PPP3CA: variants seen among roughly 807,000 people sequenced by gnomAD.
PPP3CA encodes protein phosphatase 3 catalytic subunit alpha, also known as CAM-PRP catalytic subunit.
A neutral mutation model predicts 66.5 loss-of-function variants in PPP3CA; 14 were observed. That is an observed-to-expected ratio of 0.21 (90% CI 0.14 to 0.33). The LOEUF (loss-of-function observed/expected upper bound fraction) is 0.33. PPP3CA is among the 10% of genes least tolerant of loss of function. The pLI, the probability that PPP3CA is intolerant of heterozygous loss-of-function variation, is 1.00. For synonymous variants in PPP3CA, 232 were observed against 226.2 expected (o/e 1.03, Z -0.23); for missense variants, 317 against 639.5 (o/e 0.50, Z 5.44).
At chr4:101,263,258 A>G (rs1419152927) in intron 1 of PPP3CA, among the ~76,000 whole-genome samples, 1 of 152,158 alleles carries the variant, frequency 6.6e-6, no homozygotes, top group Admixed American at 6.5e-5. Context: ...TAGTCCAGTG[A>G]CCCTTTAACT....
intron 1 of PPP3CA, among the ~76,000 whole-genome samples, chr4:101,332,370 T>G (rs1048863920): frequency 6.6e-6 from 1 of 152,068 alleles, no homozygotes; most frequent in African/African-American, 2.4e-5. Context: ...CAAGATGAGA[T>G]AGCAAAAAGT....
At chr4:101,268,344 A>T (rs1018181702) in intron 1 of PPP3CA, among the ~76,000 whole-genome samples, 1 of 152,118 alleles carries the variant, frequency 6.6e-6, no homozygotes, top group Non-Finnish European at 1.5e-5. Context: ...AAGAAGGCAA[A>T]ATTCTGTCAC....
At chr4:101,142,382 G>C (rs143008008) in intron 2 of PPP3CA, among the ~76,000 whole-genome samples, 1 of 152,180 alleles carries the variant, frequency 6.6e-6, no homozygotes, top group African/African-American at 2.4e-5. Flanking sequence ...CGGCAGAGTA[G>C]TGGAGACAGT....
At chr4:101,097,140 C>T (rs1006324078) in intron 5 of PPP3CA, among the ~76,000 whole-genome samples, 1 of 152,074 alleles carries the variant, frequency 6.6e-6, no homozygotes, top group Non-Finnish European at 1.5e-5. Context: ...CCAAAGTCTA[C>T]CTATCATACA....
chr4:101,185,432 A>G (rs1427919235), intron 2 of PPP3CA, among the ~76,000 whole-genome samples: 1 of 152,200 alleles, frequency 6.6e-6, no homozygotes, highest in Non-Finnish European at 1.5e-5. Flanking sequence ...CAGTACTTGA[A>G]AGCAACTTCT....
intron 6 of PPP3CA, 54 bp from the exon 7 acceptor site, chr4:101,083,317 G>A (rs1310364010): frequency 1.4e-6 from 2 of 1,433,062 alleles, no homozygotes; most frequent in Admixed American, 3.4e-5. Flanking sequence ...ATCAGGAGTA[G>A]CACATTTATC....
intron 8 of PPP3CA, among the ~76,000 whole-genome samples, chr4:101,063,647 T>C (rs1020102230): frequency 6.6e-6 from 1 of 151,962 alleles, no homozygotes; most frequent in Non-Finnish European, 1.5e-5. Flanking sequence ...AAGCTCCCCT[T>C]TCAGCCAAGA....
chr4:101,310,316 G>A (rs986660477), intron 1 of PPP3CA, among the ~76,000 whole-genome samples: 1 of 152,186 alleles, frequency 6.6e-6, no homozygotes, highest in Non-Finnish European at 1.5e-5. Context: ...TATTATTAAT[G>A]TAATCACACA....
intron 2 of PPP3CA, chr4:101,170,962 AT>A: frequency 3.6e-6 from 1 of 276,138 alleles, no homozygotes; most frequent in South Asian, 3.5e-5. Context: ...TCATTTTGGT[AT>A]TTTTTAAAGT....
chr4:101,326,741 C>T (rs986035962), intron 1 of PPP3CA, among the ~76,000 whole-genome samples: 1 of 152,246 alleles, frequency 6.6e-6, no homozygotes, highest in Non-Finnish European at 1.5e-5. Flanking sequence ...CCACTTCTAG[C>T]TGCTATACTA....
At chr4:101,249,280 C>A (rs1455507286) in intron 1 of PPP3CA, among the ~76,000 whole-genome samples, 2 of 151,978 alleles carry the variant, frequency 1.3e-5, no homozygotes, top group African/African-American at 4.8e-5. Context: ...GACACGTTAT[C>A]CACCTTAATA....
At chr4:101,106,654 T>C (rs1293788298) in intron 3 of PPP3CA, among the ~76,000 whole-genome samples, 2 of 152,124 alleles carry the variant, frequency 1.3e-5, no homozygotes, top group East Asian at 1.9e-4. Context: ...ATCAGCAAAC[T>C]GTGGCTCAAG....
intron 8 of PPP3CA, among the ~76,000 whole-genome samples, chr4:101,078,118 C>T (rs1729271915): frequency 6.6e-6 from 1 of 151,852 alleles, no homozygotes; most frequent in African/African-American, 2.4e-5. Flanking sequence ...CATTTCCTTC[C>T]CTCAGTTTAA....
intron 8 of PPP3CA, 78 bp from the exon 9 acceptor site, chr4:101,063,435 A>C: frequency 2.0e-6 from 3 of 1,477,904 alleles, no homozygotes; most frequent in Non-Finnish European, 2.7e-6. Flanking sequence ...TCATCAAGAA[A>C]ATTCAACCAT....
intron 2 of PPP3CA, among the ~76,000 whole-genome samples, chr4:101,148,485 T>C (rs1723037021): frequency 1.3e-5 from 2 of 152,150 alleles, no homozygotes; most frequent in Non-Finnish European, 2.9e-5. Flanking sequence ...AAAAGAAACA[T>C]TACCATAATT....
intron 2 of PPP3CA, among the ~76,000 whole-genome samples, chr4:101,118,292 C>T (rs1721911375): frequency 6.6e-6 from 1 of 152,028 alleles, no homozygotes; most frequent in Non-Finnish European, 1.5e-5. Context: ...CCAATTTCCA[C>T]CACCCAATCA....
intron 1 of PPP3CA, among the ~76,000 whole-genome samples, chr4:101,273,380 G>A (rs772113639): frequency 5.3e-5 from 8 of 151,922 alleles, no homozygotes; most frequent in African/African-American, 1.2e-4. Context: ...GAGTGATCGC[G>A]CAGTGGCGCA....
intron 2 of PPP3CA, among the ~76,000 whole-genome samples, chr4:101,153,953 C>T (rs1026840138): frequency 6.6e-6 from 1 of 152,044 alleles, no homozygotes; most frequent in African/African-American, 2.4e-5. Context: ...TGGACATATG[C>T]ATGGCCTTCT....
chr4:101,261,621 G>A (rs1267963159), intron 1 of PPP3CA, among the ~76,000 whole-genome samples: 1 of 152,006 alleles, frequency 6.6e-6, no homozygotes, highest in Non-Finnish European at 1.5e-5. Flanking sequence ...GACTAATGTA[G>A]TATAATTATT....
Sources: allele counts gnomAD v4.1 joint callset (sites outside exome capture counted in the v4.1 genomes callset), GRCh38; gene constraint gnomAD v4.1.1; transcripts MANE v1.5; gene names NCBI Gene and HGNC (gene_info 2026-07-23, HGNC 2026-07-21).